TG: variants seen among roughly 807,000 people sequenced by gnomAD.
TG encodes the protein thyroglobulin.
In TG, 270 loss-of-function variants were observed where a neutral mutation model predicts 324.7. That is an observed-to-expected ratio of 0.83 (90% CI 0.75 to 0.92). The LOEUF is 0.92. Among genes scored for constraint, TG ranks in the 40% least tolerant of loss-of-function variants. TG has a pLI of 0.00. For synonymous variants in TG, 1,401 were observed against 1,327.0 expected (o/e 1.06, Z -1.21); for missense variants, 3,591 against 3,456.4 (o/e 1.04, Z -0.98).
At chr8:133,112,238 C>A (rs1850314890) in intron 43 of TG, among the ~76,000 whole-genome samples, 1 of 152,266 alleles carries the variant, frequency 6.6e-6, no homozygotes, top group South Asian at 2.1e-4. Context: ...AATCACAGGT[C>A]CTGTGTGCTT....
intron 33 of TG, 137 bp downstream of exon 33, chr8:132,972,010 G>A: frequency 1.4e-6 from 1 of 722,758 alleles, no homozygotes; most frequent in Non-Finnish European, 2.5e-6. Context: ...CTTGGAGAGG[G>A]CAACTGGCTA....
intron 43 of TG, among the ~76,000 whole-genome samples, chr8:133,112,221 G>A (rs1850313944): frequency 6.6e-6 from 1 of 152,288 alleles, no homozygotes; most frequent in East Asian, 1.9e-4. Flanking sequence ...CACATTGATG[G>A]AATTCTAATC....
chr8:132,957,948 TTCCC>T (rs1217129949), intron 27 of TG, among the ~76,000 whole-genome samples: 1 of 152,192 alleles, frequency 6.6e-6, no homozygotes, highest in Non-Finnish European at 1.5e-5. Context: ...CGTCTCACCC[TTCCC>T]TCCAAGTCCC....
chr8:133,092,297 C>T (rs941471284), intron 41 of TG, among the ~76,000 whole-genome samples: 7 of 152,188 alleles, frequency 4.6e-5, no homozygotes, highest in Admixed American at 3.9e-4. Flanking sequence ...TTACCATGTT[C>T]GGAGGCCCGA....
At chr8:133,114,792 G>C (rs1358478227) in intron 44 of TG, among the ~76,000 whole-genome samples, 8 of 152,222 alleles carry the variant, frequency 5.3e-5, no homozygotes, top group Non-Finnish European at 1.2e-4. Context: ...GTAAACTGGA[G>C]CCTGTTGGGA....
Position 132,933,594 on chromosome 8 carries a change from C to G in TG, c.4850C>G (p.Thr1617Ser). 1 of 1,614,134 alleles carries G rather than the reference C, an allele frequency of 6.2e-7. No individual in the cohort carries two copies. The highest frequency in any genetic ancestry group is 8.5e-7 in the Non-Finnish European group (1 of 1,180,022). ...GAGGACGAGGCCTGCAGCTTCTTCA[C>G]CGTGTCCACGACGGAGCCAGAGATT... ...CTEDEACSFF[T>S]VSTTEPEISC... The change falls in exon 24 of 48, where the codon ACC (threonine) becomes AGC (serine). Residue 1617 changes from threonine (T) to serine (S), a missense_variant. Thr to Ser is a moderately conservative substitution (Grantham distance 58). Transcript: ENST00000220616.
intron 37 of TG, among the ~76,000 whole-genome samples, chr8:133,017,172 C>T (rs533227438): frequency 2.0e-5 from 3 of 152,272 alleles, no homozygotes; most frequent in South Asian, 4.1e-4. Flanking sequence ...AGGCCTCCAC[C>T]TCTACATCTC....
rs181817528 is a variant in TG, at chr8:132,879,903, A to G, written c.639-1960A>G. 3.2e-3 allele frequency among the ~76,000 whole-genome samples: 486 copies of G among 152,354 alleles called. 5 individuals carry two copies. Among genetic ancestry groups the G allele is most frequent in the African/African-American group, 0.011 (472 of 41,586 alleles). ...GTGGAGGTCATGTCTGCCATGAGCC[A>G]GGATGTTGAGGTGGGTCTCTGGGTT... On this transcript the variant is annotated intron_variant, in intron 5 of 47. Transcript: ENST00000220616.
rs540809356 is a variant in TG at position 132,897,828 on chromosome 8, C to T, written c.3139+42C>T. The T allele has an allele frequency of 2.9e-5, 47 of 1,612,402 alleles. No individual in the cohort carries two copies. The South Asian group carries it at 4.6e-4, about 16-fold the overall frequency. On this transcript the variant is annotated intron_variant, in intron 12 of 47. Coordinates refer to ENST00000220616, the MANE Select transcript of TG (RefSeq NM_003235.5). ...ACCTTCAGGTGGCCAAGTGACACCC[C>T]TTTTTTATTTTAGAGGACAGAGCCC...
intron 2 of TG, among the ~76,000 whole-genome samples, chr8:132,869,008 G>A (rs1044732232): frequency 1.3e-5 from 2 of 152,206 alleles, no homozygotes; most frequent in Admixed American, 6.5e-5. Context: ...TCCCACGAGT[G>A]TGCAGAGATG....
chr8:132,958,543 C>A (rs1362710243), intron 27 of TG, among the ~76,000 whole-genome samples: 1 of 152,098 alleles, frequency 6.6e-6, no homozygotes, highest in Non-Finnish European at 1.5e-5. Context: ...CATGGTGAAA[C>A]CCTGTCTCTA....
intron 24 of TG, among the ~76,000 whole-genome samples, chr8:132,934,065 G>C (rs1283050048): frequency 6.6e-6 from 1 of 152,144 alleles, no homozygotes; most frequent in Non-Finnish European, 1.5e-5. Context: ...GGGCACGGTG[G>C]CTCGCATCTG....
At chr8:132,980,305 T>C (rs11786334) in intron 34 of TG, among the ~76,000 whole-genome samples, 91,939 of 151,728 alleles carry the variant, frequency 0.61, 29,096 homozygotes, top group African/African-American at 0.74. Flanking sequence ...GGAGATTGAG[T>C]GCATTGACCA....
chr8:132,924,521 T>C (rs1821550803), intron 22 of TG, among the ~76,000 whole-genome samples: 1 of 152,182 alleles, frequency 6.6e-6, no homozygotes, highest in African/African-American at 2.4e-5. Context: ...CATGAACCTA[T>C]AAAGTCAACA....
intron 1 of TG, among the ~76,000 whole-genome samples, chr8:132,867,537 T>A (rs1046292543): frequency 2.6e-5 from 4 of 152,004 alleles, no homozygotes; most frequent in African/African-American, 7.2e-5. Flanking sequence ...TTTTTTTTTT[T>A]TTTTCATTTA....
intron 45 of TG, 103 bp downstream of exon 45, chr8:133,116,819 C>T: frequency 3.2e-6 from 3 of 924,074 alleles, no homozygotes; most frequent in Non-Finnish European, 5.3e-6. Context: ...GCCTCAGTTT[C>T]CTCATCTGAG....
chr8:132,927,157 CAT>C (rs937983329), intron 22 of TG, among the ~76,000 whole-genome samples: 64 of 152,146 alleles, frequency 4.2e-4, no homozygotes, highest in African/African-American at 1.5e-3. Flanking sequence ...GTTGTGTGTG[CAT>C]ATGTGTGTAC....
chr8:132,887,192 C>G lies in TG; in HGVS notation c.1820C>G (p.Thr607Ser). Residue 607 changes from threonine (T) to serine (S), a missense_variant, in exon 9 of 48, where the codon ACC becomes AGC. Transcript: ENST00000220616. ...ATGGAAACGGTACTCAGCTCCCAGA[C>G]CTGTGAGCAGACACCTGAAAGGCTA... ...DVMETVLSSQTCEQTPERLFV... is the reference protein window; with the variant it reads ...DVMETVLSSQSCEQTPERLFV... 6.2e-7 allele frequency: 1 copy of G among 1,613,346 alleles called. No homozygotes were observed. Among genetic ancestry groups the G allele is most frequent in the Admixed American group, 1.7e-5 (1 of 59,948 alleles).
intron 41 of TG, among the ~76,000 whole-genome samples, chr8:133,089,303 A>ATT (rs1482680754): frequency 2.0e-5 from 3 of 151,930 alleles, no homozygotes; most frequent in Non-Finnish European, 4.4e-5. Flanking sequence ...AGGAATAACT[A>ATT]CCTCCCAACC....
Sources: allele counts gnomAD v4.1 joint callset (sites outside exome capture counted in the v4.1 genomes callset), GRCh38; gene constraint gnomAD v4.1.1; transcripts MANE v1.5; gene names NCBI Gene and HGNC (gene_info 2026-07-23, HGNC 2026-07-21).